Variants in ZMYM1 observed in about 807,000 individuals in gnomAD.
ZMYM1 encodes the protein zinc finger MYM-type protein 1.
In ZMYM1, 39 loss-of-function variants were observed where a neutral mutation model predicts 60.0. That is an observed-to-expected ratio of 0.65 (90% CI 0.50 to 0.85). The LOEUF (loss-of-function observed/expected upper bound fraction) is 0.85, where lower values mean the gene tolerates loss of function less well. Among genes scored for constraint, ZMYM1 ranks in the 40% least tolerant of loss-of-function variants. The probability of loss-of-function intolerance (pLI) is 0.00; values close to 1 mark genes in which losing one functional copy is unlikely to be tolerated. For missense variants in ZMYM1, 1,171 were observed against 1,309.5 expected, an observed-to-expected ratio of 0.89 and a Z score of 1.63; for synonymous variants, 413 against 454.0, an observed-to-expected ratio of 0.91 and a Z score of 1.15.
upstream of ZMYM1, among the ~76,000 whole-genome samples, chr1:35,076,455 C>G (rs1404134201): frequency 3.9e-5 from 6 of 151,938 alleles, no homozygotes; most frequent in Admixed American, 3.3e-4. Flanking sequence ...AACCCCATCT[C>G]TACTAAAAAT....
At chr1:35,103,706 T>C (rs1291495424) in intron 4 of ZMYM1, among the ~76,000 whole-genome samples, 1 of 152,180 alleles carries the variant, frequency 6.6e-6, no homozygotes, top group African/African-American at 2.4e-5. Context: ...ACCATTAGCT[T>C]TGCAACATCA....
chr1:35,063,262 G>A lies in ZMYM1; in HGVS notation c.-301+3337G>A, dbSNP rs118088275. Among the ~76,000 whole-genome samples the A allele has an allele frequency of 3.7e-4, 57 of 152,010 alleles. 2 individuals are homozygous for A. In the East Asian group the frequency reaches 0.01, roughly 27 times the overall value. On this transcript the variant is annotated intron_variant, in intron 1 of 10. Transcript: ENST00000417119. ...CAGCCTCAGTCTCTAGAGTAGCTGG[G>A]ACTACAGGAATGTGCCACCACATTC...
At chr1:35,082,860 A>G (rs146239083) in intron 1 of ZMYM1, among the ~76,000 whole-genome samples, 4,711 of 151,872 alleles carry the variant, frequency 0.031, 258 homozygotes, top group African/African-American at 0.1. Context: ...GCATGCCTGT[A>G]ATCCTAGCTA....
intron 1 of ZMYM1, among the ~76,000 whole-genome samples, chr1:35,068,367 C>G (rs1269929671): frequency 7.1e-6 from 1 of 141,310 alleles, no homozygotes; most frequent in Non-Finnish European, 1.5e-5. Flanking sequence ...TGCAGTGAGC[C>G]AAGATCACAC....
intron 1 of ZMYM1, among the ~76,000 whole-genome samples, chr1:35,088,331 T>C (rs1642770939): frequency 6.6e-6 from 1 of 150,948 alleles, no homozygotes; most frequent in Non-Finnish European, 1.5e-5. Context: ...GGCAGGAGAA[T>C]CGCTTGAACC....
At chr1:35,110,939 T>C (rs1404542827) in intron 7 of ZMYM1, among the ~76,000 whole-genome samples, 2 of 151,842 alleles carry the variant, frequency 1.3e-5, no homozygotes, top group African/African-American at 4.8e-5. Flanking sequence ...ATCTCAAAAA[T>C]AATAATAATA....
At position 35,115,029 on chromosome 1, in the gene ZMYM1, T is replaced by C; in HGVS notation, c.3199T>C (p.Ser1067Pro). The C allele has an allele frequency of 3.1e-6, 5 of 1,614,040 alleles. No individual in the cohort carries two copies. Among genetic ancestry groups the C allele is most frequent in the Non-Finnish European group, 4.2e-6 (5 of 1,179,906 alleles). Residue 1067 changes from serine to proline, a missense_variant, in exon 10 of 10, where the codon TCA (serine) becomes CCA (proline). Transcript: ENST00000359858. ...HGLHSNIPCLSKLLYIALSWP... is the reference protein window; with the variant it reads ...HGLHSNIPCLPKLLYIALSWP... The stretch of plus-strand genomic sequence containing the variant: ...TCTTCACAGTAATATTCCTTGTCTC[T>C]CAAAGCTATTATATATTGCTTTGTC...
upstream of ZMYM1, among the ~76,000 whole-genome samples, chr1:35,076,905 A>T (rs1482328474): frequency 3.3e-5 from 5 of 151,346 alleles, no homozygotes; most frequent in Non-Finnish European, 7.4e-5. Context: ...ATTGCACTCC[A>T]GCCAGGGTGA....
chr1:35,105,245 C>T (rs1643862591), intron 6 of ZMYM1, among the ~76,000 whole-genome samples: 1 of 150,574 alleles, frequency 6.6e-6, no homozygotes. Context: ...TGCCATTCTC[C>T]TGCCTCGGCC....
At position 35,104,385 on chromosome 1, in the gene ZMYM1, A is replaced by G. The variant is rs761012814; in HGVS notation, c.510A>G (p.Ser170=). 6.8e-6 allele frequency: 11 copies of G among 1,613,412 alleles called. No homozygotes were observed. In the South Asian group the frequency reaches 1.1e-4, roughly 16 times the overall value. ...TTTGCAGCCTATCTTGTCTTTCATC[A>G]TATGAAGAAAAAAGAAAACCATTTG... ...KTFCSLSCLS[S]YEEKRKPFVT... The change falls in exon 5 of 10, where the codon TCA becomes TCG. Residue 170 remains serine, a synonymous_variant. Coordinates refer to ENST00000359858, the MANE Select transcript of ZMYM1 (RefSeq NM_024772.5).
chr1:35,108,058 G>C (rs2148557586), intron 6 of ZMYM1, among the ~76,000 whole-genome samples: 1 of 152,052 alleles, frequency 6.6e-6, no homozygotes, highest in South Asian at 2.1e-4. Context: ...GTTGTAGTGA[G>C]CCGAGATCAT....
chr1:35,069,434 A>C (rs1237871925), intron 1 of ZMYM1, among the ~76,000 whole-genome samples: 2 of 152,092 alleles, frequency 1.3e-5, no homozygotes, highest in Non-Finnish European at 2.9e-5. Context: ...TTAAAATCAG[A>C]TTATCTGTTT....
In ZMYM1 at chr1:35,074,382, T is replaced by C. The variant is rs554817358; in HGVS notation, c.-300-4612T>C. 4.9e-4 allele frequency among the ~76,000 whole-genome samples: 74 copies of C among 152,260 alleles called. 1 individual carries two copies. The South Asian group carries it at 0.014, about 29-fold the overall frequency. On this transcript the variant is annotated intron_variant, in intron 1 of 10. Coordinates refer to the ZMYM1 transcript ENST00000417119. ...AATGTCTGTTAAGTCATTTGGTCCA[T>C]GGTGTAGCTAAAGTCTGATGTTTCT...
chr1:35,105,638 G>C (rs1643871827), intron 6 of ZMYM1, among the ~76,000 whole-genome samples: 1 of 151,796 alleles, frequency 6.6e-6, no homozygotes, highest in African/African-American at 2.4e-5. Context: ...TTGAGACGAG[G>C]TCTTTGTCAG....
In ZMYM1 at chr1:35,113,171, A is replaced by G; in HGVS notation, c.1341A>G (p.Gln447=). 3 of 1,613,802 alleles carry G rather than the reference A, an allele frequency of 1.9e-6. No individual in the cohort carries two copies. The highest frequency in any genetic ancestry group is 2.5e-6 in the Non-Finnish European group (3 of 1,179,880). ...ACCCAAAATGTACATCCAAAGTACA[A>G]AAAGTTAAAGGTAAATCACGAAGTA... ...LCHPKCTSKV[Q]KVKGKSRSIK... The change falls in exon 10 of 10, where the codon CAA becomes CAG. Residue 447 remains glutamine, a synonymous_variant. Coordinates refer to ENST00000359858, the MANE Select transcript of ZMYM1 (RefSeq NM_024772.5).
chr1:35,081,718 C>T (rs531320428), intron 1 of ZMYM1, among the ~76,000 whole-genome samples: 3 of 152,126 alleles, frequency 2.0e-5, no homozygotes, highest in East Asian at 1.9e-4. Flanking sequence ...TTGTTTGAGA[C>T]GGAGTCGCAC....
At chr1:35,096,565 C>T (rs1339462276) in intron 3 of ZMYM1, among the ~76,000 whole-genome samples, 1 of 150,466 alleles carries the variant, frequency 6.6e-6, no homozygotes, top group Non-Finnish European at 1.5e-5. Context: ...GGAGTTTCCG[C>T]TCTTGTTGCC....
chr1:35,117,271 A>G (rs1221615699), downstream of ZMYM1, among the ~76,000 whole-genome samples: 2 of 151,748 alleles, frequency 1.3e-5, no homozygotes, highest in Non-Finnish European at 2.9e-5. Flanking sequence ...GCATTTGCCT[A>G]GAGTTGTAGA....
At chr1:35,108,479 G>T (rs983105625) in intron 6 of ZMYM1, among the ~76,000 whole-genome samples, 1 of 152,008 alleles carries the variant, frequency 6.6e-6, no homozygotes, top group African/African-American at 2.4e-5. Context: ...AGCCTCCCAA[G>T]TAGCTGGGGT....
Sources: allele counts gnomAD v4.1 joint callset (sites outside exome capture counted in the v4.1 genomes callset), GRCh38; gene constraint gnomAD v4.1.1; transcripts MANE v1.5; gene names NCBI Gene and HGNC (gene_info 2026-07-23, HGNC 2026-07-21).